Variants in FSTL4 observed in about 807,000 individuals in gnomAD.
FSTL4 encodes the protein follistatin like 4, also known as follistatin-related protein 4.
In FSTL4, 28 loss-of-function variants were observed where a neutral mutation model predicts 78.2. The ratio of observed to expected loss-of-function variants is 0.36; its 90% CI spans 0.27 to 0.49. The LOEUF (loss-of-function observed/expected upper bound fraction) is 0.49, where lower values mean the gene tolerates loss of function less well. Ranked by LOEUF, FSTL4 falls within the 20% of genes least tolerant of loss-of-function variation. FSTL4 has a pLI of 0.98. For missense variants in FSTL4, 922 were observed against 1,084.9 expected, an observed-to-expected ratio of 0.85 and a Z score of 2.11; for synonymous variants, 422 against 440.5, an observed-to-expected ratio of 0.96 and a Z score of 0.53.
rs1430857820 is a variant in FSTL4 at position 133,436,024 on chromosome 5, C to T, written c.161-35038G>A. Among the ~76,000 whole-genome samples the T allele has an allele frequency of 2.6e-5, 4 of 152,038 alleles. No homozygotes were observed. In the East Asian group the frequency reaches 7.7e-4, roughly 29 times the overall value. ...AAATGTATTAATACTTCCCACATGCCAAGTGTTAGGCACTAGAGAATACAG... is the reference window on the plus strand; with the variant it reads ...AAATGTATTAATACTTCCCACATGCTAAGTGTTAGGCACTAGAGAATACAG... On this transcript the variant is annotated intron_variant, in intron 3 of 15. Coordinates refer to ENST00000265342, the MANE Select transcript of FSTL4 (RefSeq NM_015082.2).
At chr5:133,731,427 A>G in the FSTL4 span, among the ~76,000 whole-genome samples, 3 of 152,216 alleles carry the variant, frequency 2.0e-5, no homozygotes, top group Admixed American at 2.0e-4. Context: ...ATCACAGGGA[A>G]CCAGATGTCA....
intron 4 of FSTL4, among the ~76,000 whole-genome samples, chr5:133,354,873 A>G (rs537757017): frequency 1.4e-4 from 22 of 152,354 alleles, no homozygotes; most frequent in African/African-American, 5.3e-4. Flanking sequence ...AGTAATGTAC[A>G]TGCATGTGTG....
At chr5:133,595,748 T>C (rs1277338735) in intron 2 of FSTL4, among the ~76,000 whole-genome samples, 2 of 152,228 alleles carry the variant, frequency 1.3e-5, no homozygotes, top group East Asian at 3.9e-4. Flanking sequence ...GGGCACCTCA[T>C]GTACCATCTT....
In FSTL4 at chr5:133,250,726, C is replaced by T. The variant is rs73277996; in HGVS notation, c.728-1150G>A. Among the ~76,000 whole-genome samples, 446 of 152,292 alleles carry T rather than the reference C, an allele frequency of 2.9e-3. 3 individuals are homozygous for T. The highest frequency in any genetic ancestry group is 9.7e-3 in the African/African-American group (404 of 41,566). The stretch of plus-strand genomic sequence containing the variant: ...GAGGGGAAGAGGGAGCGAAAACAGC[C>T]GCAGGTGCAAGGCACAGCAGAGCAG... On this transcript the variant is annotated intron_variant, in intron 6 of 15. Coordinates refer to ENST00000265342, the MANE Select transcript of FSTL4 (RefSeq NM_015082.2).
chr5:133,718,787 C>T, the FSTL4 span, among the ~76,000 whole-genome samples: 4 of 152,178 alleles, frequency 2.6e-5, no homozygotes, highest in Non-Finnish European at 4.4e-5. Flanking sequence ...AATTAGCAAG[C>T]ATTTACTCTT....
the FSTL4 span, among the ~76,000 whole-genome samples, chr5:133,708,735 C>T: frequency 6.6e-6 from 1 of 152,202 alleles, no homozygotes; most frequent in Non-Finnish European, 1.5e-5. Context: ...ATTTGAGAAC[C>T]AACCAGTCAA....
At chr5:133,617,394 T>C (rs1283584711), upstream of FSTL4, among the ~76,000 whole-genome samples, 4 of 150,850 alleles carry the variant, frequency 2.7e-5, no homozygotes, top group Non-Finnish European at 5.9e-5. Flanking sequence ...ACTCAAGACC[T>C]GGGGCTCTGG....
At chr5:133,468,009 A>G (rs1046138215) in intron 3 of FSTL4, among the ~76,000 whole-genome samples, 2 of 152,220 alleles carry the variant, frequency 1.3e-5, no homozygotes, top group Non-Finnish European at 2.9e-5. Context: ...GATTCATTCC[A>G]GGTTCATAAT....
At chr5:133,331,755 A>G (rs1033714927) in intron 4 of FSTL4, among the ~76,000 whole-genome samples, 2 of 152,222 alleles carry the variant, frequency 1.3e-5, no homozygotes, top group African/African-American at 4.8e-5. Context: ...AAAATAAAAC[A>G]AAACTCCACA....
intron 3 of FSTL4, among the ~76,000 whole-genome samples, chr5:133,561,097 A>G (rs1448518428): frequency 1.3e-5 from 1 of 79,004 alleles, no homozygotes; most frequent in African/African-American, 4.2e-5. Context: ...TCAAAATAAT[A>G]ATAATAATAA....
At chr5:133,580,426 T>C (rs941280650) in intron 2 of FSTL4, among the ~76,000 whole-genome samples, 1 of 152,184 alleles carries the variant, frequency 6.6e-6, no homozygotes, top group African/African-American at 2.4e-5. Flanking sequence ...CCTGGAGATG[T>C]AGCAGTGCCA....
intron 3 of FSTL4, among the ~76,000 whole-genome samples, chr5:133,446,379 G>A (rs1413404778): frequency 6.6e-6 from 1 of 152,242 alleles, no homozygotes; most frequent in Non-Finnish European, 1.5e-5. Context: ...GGTGGAGGCT[G>A]CAGTGAGCCG....
intron 14 of FSTL4, among the ~76,000 whole-genome samples, chr5:133,206,435 A>AACCTCC (rs1214408035): frequency 1.3e-5 from 2 of 152,120 alleles, no homozygotes; most frequent in Admixed American, 6.6e-5. Flanking sequence ...GGCTCACTGC[A>AACCTCC]ACCTCCACCT....
At chr5:133,716,126 C>T in the FSTL4 span, among the ~76,000 whole-genome samples, 1 of 152,214 alleles carries the variant, frequency 6.6e-6, no homozygotes, top group Non-Finnish European at 1.5e-5. Flanking sequence ...AGGCCATGTA[C>T]CATGGAAGAA....
At chr5:133,501,269 G>GAA (rs66468612) in intron 3 of FSTL4, among the ~76,000 whole-genome samples, 1 of 149,374 alleles carries the variant, frequency 6.7e-6, no homozygotes, top group African/African-American at 2.5e-5. Flanking sequence ...ACAATTTTAA[G>GAA]AAAAAAAAAA....
the FSTL4 span, among the ~76,000 whole-genome samples, chr5:133,676,125 C>G: frequency 6.6e-6 from 1 of 152,204 alleles, no homozygotes; most frequent in Non-Finnish European, 1.5e-5. Flanking sequence ...TTAGAGACCA[C>G]AGCAAAACAC....
At chr5:133,593,975 A>C (rs188385278) in intron 2 of FSTL4, among the ~76,000 whole-genome samples, 1 of 149,282 alleles carries the variant, frequency 6.7e-6, no homozygotes, top group Admixed American at 6.8e-5. Context: ...AGCCAGCCTT[A>C]GTACAGGGCC....
chr5:133,820,124 C>CA, the FSTL4 span, among the ~76,000 whole-genome samples: 1 of 152,230 alleles, frequency 6.6e-6, no homozygotes, highest in African/African-American at 2.4e-5. Flanking sequence ...GTTGCAGTCG[C>CA]AGAGGCCTGT....
chr5:133,714,366 G>A, the FSTL4 span, among the ~76,000 whole-genome samples: 7 of 152,130 alleles, frequency 4.6e-5, no homozygotes, highest in Non-Finnish European at 4.4e-5. Context: ...AAATGTGAGA[G>A]CTCAAATGCA....
Sources: gnomAD v4.1 joint callset for allele counts (sites outside exome capture counted in the v4.1 genomes callset) on GRCh38, gnomAD v4.1.1 for gene constraint, MANE v1.5 for transcripts, NCBI Gene and HGNC (gene_info 2026-07-23, HGNC 2026-07-21) for gene names.